The following CSMD1 variants were observed in gnomAD, a reference collection of about 807,000 sequenced individuals.
CSMD1 encodes the protein CUB and sushi domain-containing protein 1.
In CSMD1, 213 loss-of-function variants were observed where a neutral mutation model predicts 417.5. The observed-to-expected ratio is 0.51, with a 90% CI of 0.46 to 0.57. The LOEUF is 0.57. Ranked by LOEUF, CSMD1 falls within the 20% of genes least tolerant of loss-of-function variation. The probability of loss-of-function intolerance (pLI) is 0.00; values close to 1 mark genes in which losing one functional copy is unlikely to be tolerated. For missense variants in CSMD1, 6,923 were observed against 4,529.7 expected (o/e 1.53, Z -15.17); for synonymous variants, 2,862 against 1,736.8 (o/e 1.65, Z -16.11).
chr8:3,671,258 G>C (rs1331758162), intron 7 of CSMD1, among the ~76,000 whole-genome samples: 1 of 105,546 alleles, frequency 9.5e-6, no homozygotes, highest in African/African-American at 3.0e-5. Context: ...ATATATATAT[G>C]TATATATATA....
chr8:3,040,586 C>A (rs183164933), intron 50 of CSMD1, among the ~76,000 whole-genome samples: 362 of 151,812 alleles, frequency 2.4e-3, no homozygotes, highest in Non-Finnish European at 3.8e-3. Context: ...AGGTGGATCA[C>A]GAGGTCAGGA....
chr8:4,737,359 G>C (rs776114562), intron 1 of CSMD1, among the ~76,000 whole-genome samples: 1 of 151,904 alleles, frequency 6.6e-6, no homozygotes, highest in Non-Finnish European at 1.5e-5. Context: ...GGAGGAGAGA[G>C]AGAGTCAGAA....
At chr8:3,139,858 T>C (rs1042168929) in intron 41 of CSMD1, among the ~76,000 whole-genome samples, 1 of 151,878 alleles carries the variant, frequency 6.6e-6, no homozygotes, top group Non-Finnish European at 1.5e-5. Flanking sequence ...ACCTAGAGCA[T>C]AGGATAGATT....
intron 3 of CSMD1, among the ~76,000 whole-genome samples, chr8:4,220,927 G>A (rs560376372): frequency 6.6e-6 from 1 of 152,212 alleles, no homozygotes; most frequent in African/African-American, 2.4e-5. Context: ...TAGAACATGT[G>A]TGTGCACAGT....
At chr8:4,492,702 G>A (rs757127646) in intron 2 of CSMD1, among the ~76,000 whole-genome samples, 5 of 152,038 alleles carry the variant, frequency 3.3e-5, no homozygotes, top group Non-Finnish European at 7.4e-5. Context: ...AGAATGAGTC[G>A]TCACATGTAG....
At chr8:3,509,310 C>T (rs935590355) in intron 10 of CSMD1, among the ~76,000 whole-genome samples, 7 of 152,198 alleles carry the variant, frequency 4.6e-5, no homozygotes, top group Admixed American at 1.3e-4. Flanking sequence ...TTCCCCCACC[C>T]ATAGTTATAG....
chr8:4,854,148 T>G (rs1373886498), intron 1 of CSMD1, among the ~76,000 whole-genome samples: 1 of 152,178 alleles, frequency 6.6e-6, no homozygotes, highest in Non-Finnish European at 1.5e-5. Flanking sequence ...TTTTGGGGGC[T>G]ATTGGCAGGA....
intron 6 of CSMD1, among the ~76,000 whole-genome samples, chr8:3,726,918 C>G (rs1219233134): frequency 2.0e-5 from 3 of 152,200 alleles, no homozygotes; most frequent in Non-Finnish European, 4.4e-5. Context: ...TAGCATCATA[C>G]ACAGATAACC....
intron 5 of CSMD1, among the ~76,000 whole-genome samples, chr8:3,827,939 A>G (rs1013168497): frequency 6.6e-6 from 1 of 152,198 alleles, no homozygotes; most frequent in Non-Finnish European, 1.5e-5. Flanking sequence ...AGAGAAAATA[A>G]AGTATCTATC....
intron 5 of CSMD1, among the ~76,000 whole-genome samples, chr8:3,934,500 G>A (rs1439315865): frequency 2.0e-5 from 3 of 152,122 alleles, no homozygotes; most frequent in Admixed American, 1.3e-4. Context: ...ATAATTGAAG[G>A]AAAGGTAATG....
At chr8:4,646,174 A>C (rs145229187) in intron 1 of CSMD1, among the ~76,000 whole-genome samples, 1 of 152,186 alleles carries the variant, frequency 6.6e-6, no homozygotes, top group African/African-American at 2.4e-5. Context: ...CATAGCACCC[A>C]TTGCCAGTGG....
chr8:3,159,163 C>G (rs908736408), intron 38 of CSMD1, among the ~76,000 whole-genome samples: 1 of 152,126 alleles, frequency 6.6e-6, no homozygotes, highest in Non-Finnish European at 1.5e-5. Context: ...TAGGGAAAAA[C>G]ATAGAGTTCA....
At position 4,976,039 on chromosome 8, in the gene CSMD1, G is replaced by A. The variant is rs78473605; in HGVS notation, c.85+18293C>T. 1.3e-3 allele frequency among the ~76,000 whole-genome samples: 201 copies of A among 152,280 alleles called. 3 individuals carry two copies. In the East Asian group the frequency reaches 0.022, roughly 16 times the overall value. On this transcript the variant is annotated intron_variant, in intron 1 of 69. Coordinates refer to ENST00000635120, the MANE Select transcript of CSMD1 (RefSeq NM_033225.6). ...GACTGGAGCTTTTGTTTACTTGCAG[G>A]TAATAATTTCTTAAGCATAAGTGTC... is the stretch of plus-strand genomic sequence containing the variant.
chr8:4,221,170 G>A (rs1038515187), intron 3 of CSMD1, among the ~76,000 whole-genome samples: 2 of 152,134 alleles, frequency 1.3e-5, no homozygotes, highest in African/African-American at 4.8e-5. Flanking sequence ...CTCCATCCGT[G>A]ATTCTGCATT....
chr8:3,978,256 A>T (rs1813593340), intron 5 of CSMD1, among the ~76,000 whole-genome samples: 1 of 152,152 alleles, frequency 6.6e-6, no homozygotes, highest in Admixed American at 6.6e-5. Flanking sequence ...AGCAGAGGTG[A>T]CCTGACATGG....
intron 5 of CSMD1, among the ~76,000 whole-genome samples, chr8:3,976,764 A>G (rs1813466311): frequency 6.6e-6 from 1 of 152,156 alleles, no homozygotes; most frequent in South Asian, 2.1e-4. Context: ...TTTTGTAGAG[A>G]ATGAAATTCT....
intron 25 of CSMD1, among the ~76,000 whole-genome samples, chr8:3,291,104 TC>T (rs1803524368): frequency 6.6e-6 from 1 of 152,210 alleles, no homozygotes; most frequent in South Asian, 2.1e-4. Flanking sequence ...TGTCGTTGGT[TC>T]TGTTTATATG....
chr8:4,420,767 G>C (rs1797206562), intron 2 of CSMD1, among the ~76,000 whole-genome samples: 1 of 152,132 alleles, frequency 6.6e-6, no homozygotes, highest in African/African-American at 2.4e-5. Flanking sequence ...ACACAGCTCT[G>C]TGATCCACAA....
intron 5 of CSMD1, among the ~76,000 whole-genome samples, chr8:3,962,761 G>A (rs1329383358): frequency 2.0e-5 from 3 of 152,076 alleles, no homozygotes; most frequent in East Asian, 1.9e-4. Flanking sequence ...TCAGAGGCTG[G>A]CATCTATGTT....
Sources: gnomAD v4.1 joint callset for allele counts (sites outside exome capture counted in the v4.1 genomes callset) on GRCh38, gnomAD v4.1.1 for gene constraint, MANE v1.5 for transcripts, NCBI Gene and HGNC (gene_info 2026-07-23, HGNC 2026-07-21) for gene names.